KIAA1671: variants seen among roughly 807,000 people sequenced by gnomAD.
The protein encoded by KIAA1671 is KIAA1671.
KIAA1671 carries 52 observed loss-of-function variants against 131.2 expected under a neutral mutation model. That is an observed-to-expected ratio of 0.40 (90% CI 0.32 to 0.50). KIAA1671 has a LOEUF of 0.50. KIAA1671 is among the 20% of genes least tolerant of loss of function. KIAA1671 has a pLI of 0.73. For missense variants in KIAA1671, 2,360 were observed against 2,364.2 expected, an observed-to-expected ratio of 1.00 and a Z score of 0.04; for synonymous variants, 1,003 against 961.6, an observed-to-expected ratio of 1.04 and a Z score of -0.80.
intron 6 of KIAA1671, among the ~76,000 whole-genome samples, chr22:25,066,180 G>A (rs1928469540): frequency 6.6e-6 from 1 of 151,528 alleles, no homozygotes; most frequent in Admixed American, 6.6e-5. Flanking sequence ...ACAGGGTCTG[G>A]CTCTGTCATC....
chr22:25,174,632 A>G, intron 8 of KIAA1671, 143 bp downstream of exon 8: 1 of 934,500 alleles, frequency 1.1e-6, no homozygotes, highest in Non-Finnish European at 1.5e-6. Context: ...GGACTCACTT[A>G]TGCATGTATC....
intron 6 of KIAA1671, among the ~76,000 whole-genome samples, chr22:25,113,678 C>G (rs1022637405): frequency 1.1e-4 from 17 of 152,338 alleles, no homozygotes; most frequent in African/African-American, 3.4e-4. Flanking sequence ...AGGAGCCGAG[C>G]ACTTGGGCAT....
chr22:25,147,077 C>T (rs540732427), intron 6 of KIAA1671, among the ~76,000 whole-genome samples: 5 of 152,290 alleles, frequency 3.3e-5, no homozygotes, highest in African/African-American at 1.2e-4. Context: ...GTGAGGGATG[C>T]TCCACCCCCT....
chr22:25,144,119 G>C (rs1053553332), intron 6 of KIAA1671, among the ~76,000 whole-genome samples: 1 of 152,210 alleles, frequency 6.6e-6, no homozygotes, highest in Admixed American at 6.5e-5. Flanking sequence ...AGAAACACAT[G>C]TGTTCTCACA....
At chr22:25,012,157 C>T (rs1267129940) in intron 1 of KIAA1671, 1 of 152,066 alleles carries the variant, frequency 6.6e-6, no homozygotes, top group Non-Finnish European at 1.5e-5. Flanking sequence ...GTTCTTTCCA[C>T]TTTACTGGTG....
intron 1 of KIAA1671, among the ~76,000 whole-genome samples, chr22:24,957,048 G>A (rs1461770286): frequency 3.3e-5 from 5 of 152,142 alleles, no homozygotes; most frequent in Admixed American, 3.3e-4. Flanking sequence ...AGGTTCTTAT[G>A]TGAGTTTACT....
intron 6 of KIAA1671, among the ~76,000 whole-genome samples, chr22:25,071,946 TG>T (rs1928852792): frequency 6.6e-6 from 1 of 151,994 alleles, no homozygotes; most frequent in Non-Finnish European, 1.5e-5. Context: ...TGTGTTAGGA[TG>T]GGGGTGGTGC....
intron 1 of KIAA1671, among the ~76,000 whole-genome samples, chr22:24,998,976 A>G (rs1924290264): frequency 6.6e-6 from 1 of 152,064 alleles, no homozygotes; most frequent in African/African-American, 2.4e-5. Flanking sequence ...ATGAGCATTC[A>G]TATATAAATT....
At chr22:25,066,518 A>G (rs933756864) in intron 6 of KIAA1671, among the ~76,000 whole-genome samples, 2 of 152,114 alleles carry the variant, frequency 1.3e-5, no homozygotes, top group African/African-American at 4.8e-5. Flanking sequence ...TCACCTCTCA[A>G]GTGTTCCATT....
At position 25,181,583 on chromosome 22, in the gene KIAA1671, T is replaced by C. The variant is rs1331035583; in HGVS notation, c.5075-116T>C. 3 of 1,284,634 alleles carry C rather than the reference T, an allele frequency of 2.3e-6. No homozygotes were observed. In the East Asian group the frequency reaches 7.9e-5, roughly 34 times the overall value. The allele number at this position is 1,284,634 out of a possible 1,614,324, so 79.6% of individuals were successfully genotyped here. A position where few individuals can be genotyped will look rare whatever the true frequency, so the allele number is the denominator to read the frequency against. ...CATCTGTAAAATGGGCCATAGCGTC[T>C]TCTGTGCAGGTCTGATGTGAGCATT... On this transcript the variant is annotated intron_variant, in intron 9 of 12. Coordinates refer to ENST00000358431, the MANE Select transcript of KIAA1671 (RefSeq NM_001145206.2).
chr22:25,067,853 C>T (rs1412200138), intron 6 of KIAA1671, among the ~76,000 whole-genome samples: 1 of 152,262 alleles, frequency 6.6e-6, no homozygotes, highest in African/African-American at 2.4e-5. Flanking sequence ...TTCAGTAGGG[C>T]AGCCGCGAGC....
At chr22:25,041,684 G>C (rs1926931224) in intron 5 of KIAA1671, among the ~76,000 whole-genome samples, 159 bp downstream of exon 5, 1 of 152,158 alleles carries the variant, frequency 6.6e-6, no homozygotes, top group Non-Finnish European at 1.5e-5. Context: ...GTGGCAAATG[G>C]AGAGCTCATG....
chr22:24,960,557 A>G (rs1185570258), intron 1 of KIAA1671, among the ~76,000 whole-genome samples: 1 of 151,434 alleles, frequency 6.6e-6, no homozygotes, highest in Non-Finnish European at 1.5e-5. Flanking sequence ...AAAAAAAAAA[A>G]AAAAAAAGAA....
intron 6 of KIAA1671, among the ~76,000 whole-genome samples, chr22:25,117,222 C>T (rs1169792802): frequency 2.0e-5 from 3 of 152,164 alleles, no homozygotes; most frequent in Non-Finnish European, 4.4e-5. Context: ...TATATTCTCC[C>T]AGTGACTTAA....
chr22:24,984,021 G>A (rs1923375321), intron 1 of KIAA1671, among the ~76,000 whole-genome samples: 1 of 152,108 alleles, frequency 6.6e-6, no homozygotes, highest in South Asian at 2.1e-4. Flanking sequence ...CAGGTGATCT[G>A]CCCGCCTCGG....
Position 24,973,988 on chromosome 22 carries a change from A to T in KIAA1671, c.-208+21216A>T, listed in dbSNP as rs559719439. On this transcript the variant is annotated intron_variant, in intron 1 of 12. Coordinates refer to ENST00000358431, the MANE Select transcript of KIAA1671 (RefSeq NM_001145206.2). ...TGTAGACCCGGGCCTGGCTCTGCCC[A>T]CCCTCTGCCCAGCTGCACCTCCTTT... Among the ~76,000 whole-genome samples the T allele has an allele frequency of 5.3e-5, 8 of 152,162 alleles. No individual in the cohort carries two copies. The East Asian group carries it at 1.4e-3, about 26-fold the overall frequency.
At chr22:25,132,065 G>A (rs1376248468) in intron 6 of KIAA1671, among the ~76,000 whole-genome samples, 3 of 152,184 alleles carry the variant, frequency 2.0e-5, no homozygotes, top group African/African-American at 7.2e-5. Context: ...TCCCAGAATT[G>A]ATTGAAGTCA....
chr22:25,133,818 G>A (rs1202373452), intron 6 of KIAA1671, among the ~76,000 whole-genome samples: 1 of 152,154 alleles, frequency 6.6e-6, no homozygotes, highest in Non-Finnish European at 1.5e-5. Flanking sequence ...AAAGTGCTGG[G>A]ATTACAGGTG....
chr22:25,143,805 C>G (rs547183389), intron 6 of KIAA1671, among the ~76,000 whole-genome samples: 1 of 152,134 alleles, frequency 6.6e-6, no homozygotes, highest in South Asian at 2.1e-4. Flanking sequence ...ATCCTGTTTC[C>G]GCCATTTATG....
Sources: allele counts gnomAD v4.1 joint callset (sites outside exome capture counted in the v4.1 genomes callset), GRCh38; gene constraint gnomAD v4.1.1; transcripts MANE v1.5; gene names NCBI Gene and HGNC (gene_info 2026-07-23, HGNC 2026-07-21).